NHLRC3: variants seen among roughly 807,000 people sequenced by gnomAD.
NHLRC3 encodes NHL repeat containing 3.
A neutral mutation model predicts 32.0 loss-of-function variants in NHLRC3; 23 were observed. The ratio of observed to expected loss-of-function variants is 0.72; its 90% CI spans 0.52 to 1.02. The LOEUF (loss-of-function observed/expected upper bound fraction) is 1.02, where lower values mean the gene tolerates loss of function less well. Ranked by LOEUF, NHLRC3 falls within the 50% of genes least tolerant of loss-of-function variation. The probability of loss-of-function intolerance (pLI) is 0.00; values close to 1 mark genes in which losing one functional copy is unlikely to be tolerated. For missense variants in NHLRC3, 407 were observed against 406.8 expected, an observed-to-expected ratio of 1.00 and a Z score of -0.01; for synonymous variants, 159 against 147.9, an observed-to-expected ratio of 1.08 and a Z score of -0.55.
At chr13:39,042,918 T>G (rs1381203307) in intron 4 of NHLRC3, among the ~76,000 whole-genome samples, 2 of 152,122 alleles carry the variant, frequency 1.3e-5, no homozygotes, top group East Asian at 3.9e-4. Flanking sequence ...CTACAGGCAT[T>G]TATTAGCAGG....
In NHLRC3 at chr13:39,049,330, C is replaced by T. The variant is rs1871818240; in HGVS notation, c.*1404C>T. 3 of 152,268 alleles carry T rather than the reference C, an allele frequency of 2.0e-5. No homozygotes were observed. Among genetic ancestry groups the T allele is most frequent in the Non-Finnish European group, 4.4e-5 (3 of 68,050 alleles). 9.4% of individuals were successfully genotyped at this position (152,268 alleles called of 1,614,324 possible). A position where few individuals can be genotyped will look rare whatever the true frequency, so the allele number is the denominator to read the frequency against. On this transcript the variant is annotated 3_prime_UTR_variant, in exon 7 of 7. Coordinates refer to ENST00000379600, the MANE Select transcript of NHLRC3 (RefSeq NM_001012754.4). ...AAGGTAAATCTACCAACAGGAAGCC[C>T]TGTACTCTGTATTCCAAGGCCATTG...
intron 3 of NHLRC3, 56 bp downstream of exon 3, chr13:39,039,767 G>A: frequency 7.8e-7 from 1 of 1,287,406 alleles, no homozygotes. Flanking sequence ...CTTTGCACAT[G>A]TCCTTGTTTG....
Position 39,046,275 on chromosome 13 carries a change from C to T in NHLRC3, c.679-765C>T, listed in dbSNP as rs567793297. On this transcript the variant is annotated intron_variant, in intron 5 of 6. Coordinates refer to ENST00000379600, the MANE Select transcript of NHLRC3 (RefSeq NM_001012754.4). ...CGGAGCTTGCAGTGAGCCGAGACTG[C>T]GCCACTGCACTCCAGCCTGGGTGAC... 8.5e-4 allele frequency among the ~76,000 whole-genome samples: 129 copies of T among 152,196 alleles called. 1 individual carries two copies. The highest frequency in any genetic ancestry group is 2.9e-3 in the African/African-American group (121 of 41,534).
rs1464335153 is a variant in NHLRC3, at chr13:39,039,698, G to A, written c.372G>A (p.Thr124=). ...STLYEQSVWI[T]DVGSGFFGHT... ...TATATGAACAATCCGTCTGGATCAC[G>A]GATGTAGGAAGTGGTATGTATAGTA... Residue 124 remains threonine, a synonymous_variant, in exon 3 of 7, where the codon ACG becomes ACA. Transcript: ENST00000379600. The A allele has an allele frequency of 1.1e-5, 18 of 1,611,868 alleles. 1 individual carries two copies. The highest frequency in any genetic ancestry group is 2.2e-5 in the East Asian group (1 of 44,860).
At position 39,044,198 on chromosome 13, in the gene NHLRC3, ATTGTGTCTGGGACT is replaced by A; in HGVS notation, c.678+27_678+40del. On this transcript the variant is annotated intron_variant, in intron 5 of 6. Transcript: ENST00000379600. The stretch of plus-strand genomic sequence containing the variant: ...GCTGGTCGGGTACAAATACAGCGTC[ATTGTGTCTGGGACT>A]TTGTGTCTGAATATGTTTGTGTGTG... The A allele has an allele frequency of 6.6e-7, 1 of 1,520,792 alleles. No homozygotes were observed. 94.2% of individuals were successfully genotyped at this position (1,520,792 alleles called of 1,614,324 possible). A position where few individuals can be genotyped will look rare whatever the true frequency, so the allele number is the denominator to read the frequency against.
Position 39,050,097 on chromosome 13 carries a change from T to A in NHLRC3, c.*2171T>A, listed in dbSNP as rs1871848554. The stretch of plus-strand genomic sequence containing the variant: ...TGGCTCCCCAATTAAAGTTTGATTT[T>A]ATTGTCACAAAAGCAGTCTATAACT... On this transcript the variant is annotated 3_prime_UTR_variant, in exon 7 of 7. Transcript: ENST00000379600. 1 of 152,246 alleles carries A rather than the reference T, an allele frequency of 6.6e-6. No homozygotes were observed. The highest frequency in any genetic ancestry group is 2.1e-4 in the South Asian group (1 of 4,834). The allele number at this position is 152,246 out of a possible 1,614,324, so 9.4% of individuals were successfully genotyped here.
In NHLRC3 at chr13:39,049,834, T is replaced by C. The variant is rs975896473; in HGVS notation, c.*1908T>C. 7 of 152,262 alleles carry C rather than the reference T, an allele frequency of 4.6e-5. No individual in the cohort carries two copies. The highest frequency in any genetic ancestry group is 1.7e-4 in the African/African-American group (7 of 41,472). 9.4% of individuals were successfully genotyped at this position (152,262 alleles called of 1,614,324 possible). On this transcript the variant is annotated 3_prime_UTR_variant, in exon 7 of 7. Coordinates refer to ENST00000379600, the MANE Select transcript of NHLRC3 (RefSeq NM_001012754.4). ...AATGCCTCTTTGAAGCAATTCAGGC[T>C]AGGTAAACCGATTTTGCCATTTCAA...
intron 3 of NHLRC3, chr13:39,041,208 T>C (rs773801810): frequency 6.6e-6 from 1 of 152,168 alleles, no homozygotes; most frequent in Non-Finnish European, 1.5e-5. Context: ...CCTTTTTTTT[T>C]TGAGAAAATT....
At position 39,044,229 on chromosome 13, in the gene NHLRC3, T is replaced by TTGTGGGTGTGTGTG. The variant is rs397951843; in HGVS notation, c.678+52_678+53insGGTGTGTGTGTGTG. On this transcript the variant is annotated intron_variant, in intron 5 of 6. Transcript: ENST00000379600. ...TCTGGGACTTTGTGTCTGAATATGT[T>TTGTGGGTGTGTGTG]TGTGTGTGTGTGTGTGTGTGTGTGT... 511 of 859,112 alleles carry TTGTGGGTGTGTGTG rather than the reference T, an allele frequency of 5.9e-4. 12 individuals are homozygous for TTGTGGGTGTGTGTG. The highest frequency in any genetic ancestry group is 1.0e-3 in the Admixed American group (49 of 49,184). The allele number at this position is 859,112 out of a possible 1,614,324, so 53.2% of individuals were successfully genotyped here. A position where few individuals can be genotyped will look rare whatever the true frequency, so the allele number is the denominator to read the frequency against.
In NHLRC3 at chr13:39,039,909, C is replaced by G. The variant is rs370621039; in HGVS notation, c.385+198C>G. 57 of 403,970 alleles carry G rather than the reference C, an allele frequency of 1.4e-4. 1 individual carries two copies. The East Asian group carries it at 1.8e-3, about 13-fold the overall frequency. The allele number at this position is 403,970 out of a possible 1,614,324, so 25.0% of individuals were successfully genotyped here. ...ATTTAACAAGGGCTGGACGCCGTGGCTCACGCCTGTAATCCCAGCACTTTG... is the reference window on the plus strand; with the variant it reads ...ATTTAACAAGGGCTGGACGCCGTGGGTCACGCCTGTAATCCCAGCACTTTG... On this transcript the variant is annotated intron_variant, in intron 3 of 6. Coordinates refer to ENST00000379600, the MANE Select transcript of NHLRC3 (RefSeq NM_001012754.4).
chr13:39,043,866 A>T (rs1871555254), intron 4 of NHLRC3, among the ~76,000 whole-genome samples: 1 of 152,186 alleles, frequency 6.6e-6, no homozygotes, highest in South Asian at 2.1e-4. Flanking sequence ...TCAAGTGGAG[A>T]TAATAATTAA....
chr13:39,045,810 T>C (rs1871649825), intron 5 of NHLRC3, among the ~76,000 whole-genome samples: 1 of 152,186 alleles, frequency 6.6e-6, no homozygotes, highest in Non-Finnish European at 1.5e-5. Context: ...TCTTAAATGG[T>C]GTAGTGAGTT....
chr13:39,042,399 C>G (rs1309956833), intron 4 of NHLRC3, 94 bp downstream of exon 4: 1 of 778,692 alleles, frequency 1.3e-6, no homozygotes, highest in Non-Finnish European at 2.0e-6. Flanking sequence ...GTGTATGAAG[C>G]GGTGTGTAAA....
At chr13:39,044,414 G>A (rs1566033980) in intron 5 of NHLRC3, 2 of 428,956 alleles carry the variant, frequency 4.7e-6, no homozygotes, top group East Asian at 3.5e-5. Flanking sequence ...TAGTGAGGGG[G>A]TTCCCCAAAC....
intron 1 of NHLRC3, 188 bp from the exon 2 acceptor site, chr13:39,038,948 G>T: frequency 1.6e-6 from 1 of 634,240 alleles, no homozygotes. Context: ...CAAATAATTT[G>T]CAGACTTGTA....
At chr13:39,039,903 C>T in intron 3 of NHLRC3, 192 bp downstream of exon 3, 1 of 430,820 alleles carries the variant, frequency 2.3e-6, no homozygotes, top group South Asian at 3.3e-5. Context: ...GGGCTGGACG[C>T]CGTGGCTCAC....
rs1426370722 is a variant in NHLRC3 at position 39,049,942 on chromosome 13, G to C, written c.*2016G>C. The stretch of plus-strand genomic sequence containing the variant: ...TCTGAATGTCTTTGTAAAAGTGTTT[G>C]TTAGTGTACCTGTGATTATAGTACT... On this transcript the variant is annotated 3_prime_UTR_variant, in exon 7 of 7. Coordinates refer to ENST00000379600, the MANE Select transcript of NHLRC3 (RefSeq NM_001012754.4). The C allele has an allele frequency of 6.6e-6, 1 of 152,174 alleles. No homozygotes were observed. The highest frequency in any genetic ancestry group is 1.5e-5 in the Non-Finnish European group (1 of 68,018). 9.4% of individuals were successfully genotyped at this position (152,174 alleles called of 1,614,324 possible).
chr13:39,038,762 G>C, intron 1 of NHLRC3, 39 bp downstream of exon 1: 3 of 1,547,724 alleles, frequency 1.9e-6, no homozygotes, highest in South Asian at 1.1e-5. Flanking sequence ...CGGGTGTGCG[G>C]GTAGCCCTGT....
At chr13:39,040,913 A>C (rs1222168893) in intron 3 of NHLRC3, 1 of 152,208 alleles carries the variant, frequency 6.6e-6, no homozygotes, top group Non-Finnish European at 1.5e-5. Flanking sequence ...CAACCAAAAA[A>C]AGTCTATAGA....
Sources: gnomAD v4.1 joint callset for allele counts (sites outside exome capture counted in the v4.1 genomes callset) on GRCh38, gnomAD v4.1.1 for gene constraint, MANE v1.5 for transcripts, NCBI Gene and HGNC (gene_info 2026-07-23, HGNC 2026-07-21) for gene names.